Variants in LRP1B observed in about 807,000 individuals in gnomAD.
The protein encoded by LRP1B is low-density lipoprotein receptor-related protein 1B.
Under a neutral mutation model 556.6 loss-of-function variants are expected in LRP1B, and 217 were observed. That is an observed-to-expected ratio of 0.39 (90% CI 0.35 to 0.44). The LOEUF (loss-of-function observed/expected upper bound fraction) is 0.44. Ranked by LOEUF, LRP1B falls within the 20% of genes least tolerant of loss-of-function variation. The probability of loss-of-function intolerance (pLI) is 1.00; values close to 1 mark genes in which losing one functional copy is unlikely to be tolerated. For synonymous variants in LRP1B, 2,047 were observed against 1,865.8 expected (o/e 1.10, Z -2.50); for missense variants, 5,053 against 5,620.8 (o/e 0.90, Z 3.23).
chr2:141,071,417 C>G (rs1262712172), intron 7 of LRP1B, among the ~76,000 whole-genome samples: 1 of 152,008 alleles, frequency 6.6e-6, no homozygotes, highest in African/African-American at 2.4e-5. Flanking sequence ...TGGGCAAAAA[C>G]TGGAAGCATT....
chr2:141,808,711 G>A (rs780496238), intron 2 of LRP1B, among the ~76,000 whole-genome samples: 5 of 151,968 alleles, frequency 3.3e-5, no homozygotes, highest in Admixed American at 6.6e-5. Context: ...CCAAAAGACC[G>A]TATATTCAAT....
At chr2:140,315,180 A>AAATACTAGGATCTTGTGTTTCC in intron 82 of LRP1B, 81 bp from the exon 83 acceptor site, 1 of 917,802 alleles carries the variant, frequency 1.1e-6, no homozygotes, top group Non-Finnish European at 1.6e-6. Flanking sequence ...TACAATATTT[A>AAATACTAGGATCTTGTGTTTCC]AATACTAGGA....
intron 31 of LRP1B, among the ~76,000 whole-genome samples, chr2:140,821,425 T>C (rs1169472710): frequency 1.3e-5 from 2 of 152,194 alleles, no homozygotes; most frequent in African/African-American, 4.8e-5. Flanking sequence ...TGTGCAGTCT[T>C]AAATGGAATG....
intron 1 of LRP1B, among the ~76,000 whole-genome samples, chr2:142,065,893 A>G (rs1390473166): frequency 1.3e-5 from 2 of 151,494 alleles, no homozygotes; most frequent in Non-Finnish European, 3.0e-5. Context: ...CTAAATTAGT[A>G]CAAGTGAGAG....
intron 1 of LRP1B, among the ~76,000 whole-genome samples, chr2:142,035,180 G>C (rs1703835831): frequency 6.6e-6 from 1 of 151,580 alleles, no homozygotes; most frequent in African/African-American, 2.4e-5. Context: ...ATACATATTA[G>C]TCGCAAAGAT....
intron 3 of LRP1B, among the ~76,000 whole-genome samples, chr2:141,285,227 AG>A (rs939142949): frequency 8.0e-5 from 12 of 150,480 alleles, no homozygotes; most frequent in African/African-American, 2.9e-4. Flanking sequence ...CCTCTTGAGT[AG>A]GTGGCAAGCG....
At chr2:140,520,987 A>AT (rs904305995) in intron 49 of LRP1B, among the ~76,000 whole-genome samples, 5 of 151,800 alleles carry the variant, frequency 3.3e-5, no homozygotes, top group African/African-American at 9.6e-5. Context: ...CTTCATATTA[A>AT]TTTTTTTCAA....
intron 1 of LRP1B, among the ~76,000 whole-genome samples, chr2:141,857,231 T>A (rs1698082490): frequency 6.6e-6 from 1 of 152,168 alleles, no homozygotes; most frequent in Non-Finnish European, 1.5e-5. Flanking sequence ...AGTTATTTTT[T>A]TTTCCTTTCA....
At chr2:140,955,885 C>A (rs1049888235) in intron 18 of LRP1B, among the ~76,000 whole-genome samples, 4 of 151,566 alleles carry the variant, frequency 2.6e-5, no homozygotes, top group African/African-American at 9.7e-5. Flanking sequence ...TCCTTGCCCC[C>A]CAAAATAATA....
intron 32 of LRP1B, among the ~76,000 whole-genome samples, chr2:140,782,055 TTTG>T (rs142116725): frequency 0.41 from 62,622 of 151,768 alleles, 13,138 homozygotes; most frequent in African/African-American, 0.48. Context: ...TCTCACATTT[TTTG>T]TTGTTGTTGT....
At chr2:141,919,740 C>A (rs1443249099) in intron 1 of LRP1B, among the ~76,000 whole-genome samples, 1 of 151,984 alleles carries the variant, frequency 6.6e-6, no homozygotes, top group Admixed American at 6.6e-5. Context: ...GGTGACACAT[C>A]TTTGAGTTAG....
intron 67 of LRP1B, 121 bp downstream of exon 67, chr2:140,385,772 T>C (rs555239667): frequency 3.0e-5 from 21 of 704,824 alleles, no homozygotes; most frequent in Non-Finnish European, 4.6e-5. Flanking sequence ...TGTGAATATA[T>C]GCATAAAAAT....
At chr2:141,612,274 A>T (rs1441782777) in intron 2 of LRP1B, among the ~76,000 whole-genome samples, 1 of 152,182 alleles carries the variant, frequency 6.6e-6, no homozygotes, top group Non-Finnish European at 1.5e-5. Flanking sequence ...TGGGAACATT[A>T]TACCAATTGT....
At chr2:140,953,279 C>T (rs1470194120) in intron 18 of LRP1B, among the ~76,000 whole-genome samples, 2 of 152,022 alleles carry the variant, frequency 1.3e-5, no homozygotes, top group African/African-American at 2.4e-5. Flanking sequence ...TTAGTAGAGA[C>T]GGTGTTTCAC....
intron 66 of LRP1B, among the ~76,000 whole-genome samples, chr2:140,427,303 C>T (rs1237361072): frequency 6.6e-6 from 1 of 152,120 alleles, no homozygotes; most frequent in African/African-American, 2.4e-5. Context: ...TGGCTGCTTG[C>T]TCACCCACGT....
chr2:141,303,842 G>T (rs1320506959), intron 3 of LRP1B, among the ~76,000 whole-genome samples: 1 of 152,100 alleles, frequency 6.6e-6, no homozygotes, highest in Admixed American at 6.5e-5. Flanking sequence ...TCTCCATACT[G>T]TTTTCCATAC....
chr2:141,386,985 A>C (rs561959658), intron 3 of LRP1B, among the ~76,000 whole-genome samples: 2 of 152,158 alleles, frequency 1.3e-5, no homozygotes, highest in East Asian at 3.9e-4. Context: ...TTCTAAAACA[A>C]CTGATATTAT....
At chr2:141,762,898 C>A (rs1392457031) in intron 2 of LRP1B, among the ~76,000 whole-genome samples, 2 of 152,226 alleles carry the variant, frequency 1.3e-5, no homozygotes, top group Admixed American at 6.5e-5. Context: ...ATCTCTCTTT[C>A]TATATGAGGT....
chr2:141,124,403 C>T (rs1490387095), intron 7 of LRP1B, among the ~76,000 whole-genome samples: 2 of 152,034 alleles, frequency 1.3e-5, no homozygotes, highest in African/African-American at 2.4e-5. Flanking sequence ...AGAATATGTT[C>T]TTGCTCTTTC....
Sources: gnomAD v4.1 joint callset for allele counts (sites outside exome capture counted in the v4.1 genomes callset) on GRCh38, gnomAD v4.1.1 for gene constraint, MANE v1.5 for transcripts, NCBI Gene and HGNC (gene_info 2026-07-23, HGNC 2026-07-21) for gene names.